ABCA13: variants seen among roughly 807,000 people sequenced by gnomAD.
The protein encoded by ABCA13 is ATP binding cassette subfamily A member 13.
A neutral mutation model predicts 478.7 loss-of-function variants in ABCA13; 476 were observed. The ratio of observed to expected loss-of-function variants is 0.99; its 90% CI spans 0.92 to 1.07. The LOEUF is 1.07. Among genes scored for constraint, ABCA13 ranks in the 50% least tolerant of loss-of-function variants. The probability of loss-of-function intolerance (pLI) is 0.00; values close to 1 mark genes in which losing one functional copy is unlikely to be tolerated. For synonymous variants in ABCA13, 2,252 were observed against 2,158.9 expected, an observed-to-expected ratio of 1.04 and a Z score of -1.20; for missense variants, 6,060 against 5,910.6, an observed-to-expected ratio of 1.03 and a Z score of -0.83.
At position 48,381,757 on chromosome 7, in the gene ABCA13, C is replaced by G. The variant is rs140721555; in HGVS notation, c.11335+5185C>G. 4.1e-3 allele frequency among the ~76,000 whole-genome samples: 621 copies of G among 152,336 alleles called. 21 individuals carry two copies. Among genetic ancestry groups the G allele is most frequent in the Admixed American group, 0.029 (445 of 15,306 alleles). ...TGATTAGTTTCCTGGCCTGCATAAG[C>G]CAGCAGGCAGTTCCCCTTGAGGAGA... On this transcript the variant is annotated intron_variant, in intron 35 of 61. Transcript: ENST00000435803.
intron 15 of ABCA13, among the ~76,000 whole-genome samples, chr7:48,255,459 C>G (rs910717101): frequency 6.6e-6 from 1 of 151,848 alleles, no homozygotes; most frequent in African/African-American, 2.4e-5. Flanking sequence ...CTTGCCCACC[C>G]CTCTTTCCCT....
At chr7:48,286,486 C>CCCTTCCTT (rs60849653) in intron 19 of ABCA13, among the ~76,000 whole-genome samples, 16 of 149,190 alleles carry the variant, frequency 1.1e-4, no homozygotes, top group South Asian at 2.1e-4. Context: ...ACTGTTTTTT[C>CCCTTCCTT]CCTTCCTTCC....
rs1329632961 is a variant in ABCA13 at position 48,234,197 on chromosome 7, G to A, written c.897+46G>A. 5 of 1,613,060 alleles carry A rather than the reference G, an allele frequency of 3.1e-6. No homozygotes were observed. The East Asian group carries it at 8.9e-5, about 29-fold the overall frequency. ...CTCACACCGCTGGGCCTTTCCTGGA[G>A]ACTGGATCTAGAGCATGCTGCTGGG... is the stretch of plus-strand genomic sequence containing the variant. On this transcript the variant is annotated intron_variant, in intron 8 of 61. Transcript: ENST00000435803.
intron 42 of ABCA13, among the ~76,000 whole-genome samples, chr7:48,436,696 A>C (rs937946538): frequency 1.3e-5 from 2 of 151,872 alleles, no homozygotes; most frequent in Non-Finnish European, 2.9e-5. Context: ...ACTGCAACCC[A>C]GAAATTTTGG....
chr7:48,217,672 A>G (rs1181245086), intron 3 of ABCA13, among the ~76,000 whole-genome samples: 1 of 152,200 alleles, frequency 6.6e-6, no homozygotes, highest in Non-Finnish European at 1.5e-5. Context: ...CCAAGGCCCC[A>G]TGTACTTCTG....
chr7:48,332,842 A>G (rs1161302778), intron 27 of ABCA13, among the ~76,000 whole-genome samples: 1 of 152,144 alleles, frequency 6.6e-6, no homozygotes, highest in East Asian at 1.9e-4. Flanking sequence ...GTAACATGTT[A>G]TGGTTCTCTG....
At chr7:48,432,321 C>T (rs1315808094) in intron 42 of ABCA13, among the ~76,000 whole-genome samples, 3 of 152,070 alleles carry the variant, frequency 2.0e-5, no homozygotes, top group Non-Finnish European at 4.4e-5. Flanking sequence ...CAAAAGATAA[C>T]ACATGCTGGT....
chr7:48,510,637 G>C (rs1831594144), intron 50 of ABCA13, among the ~76,000 whole-genome samples: 1 of 152,156 alleles, frequency 6.6e-6, no homozygotes, highest in Non-Finnish European at 1.5e-5. Flanking sequence ...TTGTCCTGGA[G>C]GCTGGAAGTC....
At chr7:48,573,928 G>T (rs1015850588) in intron 55 of ABCA13, among the ~76,000 whole-genome samples, 5 of 151,918 alleles carry the variant, frequency 3.3e-5, no homozygotes, top group African/African-American at 1.2e-4. Context: ...CTCTCTGTGT[G>T]TTTATATAGT....
chr7:48,373,801 A>G (rs1373959501), intron 33 of ABCA13, among the ~76,000 whole-genome samples: 2 of 152,226 alleles, frequency 1.3e-5, no homozygotes, highest in African/African-American at 4.8e-5. Flanking sequence ...ACATATTCAA[A>G]TGCTTTCTAG....
In ABCA13 at chr7:48,293,196, C is replaced by G. The variant is rs937006895; in HGVS notation, c.8956-2504C>G. Among the ~76,000 whole-genome samples the G allele has an allele frequency of 1.5e-5, 2 of 131,754 alleles. 1 individual carries two copies. The highest frequency in any genetic ancestry group is 3.4e-5 in the Non-Finnish European group (2 of 58,108). The allele number at this position is 131,754 out of a possible 152,430, so 86.4% of individuals were successfully genotyped here. ...TCATTTCCTGAGAAGTCTTCAGCCC[C>G]CCCCCCGCCACACACACACTAAATC... On this transcript the variant is annotated intron_variant, in intron 20 of 61. Transcript: ENST00000435803.
At chr7:48,486,741 G>A (rs760947680) in intron 47 of ABCA13, among the ~76,000 whole-genome samples, 1 of 152,150 alleles carries the variant, frequency 6.6e-6, no homozygotes, top group Non-Finnish European at 1.5e-5. Flanking sequence ...ATGCAGACTG[G>A]GCTGGGCTGA....
intron 10 of ABCA13, among the ~76,000 whole-genome samples, chr7:48,242,753 T>G (rs1791043686): frequency 6.6e-6 from 1 of 152,224 alleles, no homozygotes; most frequent in South Asian, 2.1e-4. Flanking sequence ...TCAGCCTTAT[T>G]TAAATCTTTC....
chr7:48,326,135 G>A (rs985964536), intron 27 of ABCA13, among the ~76,000 whole-genome samples: 6 of 152,228 alleles, frequency 3.9e-5, no homozygotes, highest in African/African-American at 1.4e-4. Flanking sequence ...CTGAGGTTTA[G>A]AGAAGCTAGA....
chr7:48,225,135 GCCTTCCTTCCTTCCTTCCTTCCTT>G (rs1202516045), intron 5 of ABCA13, among the ~76,000 whole-genome samples: 73 of 69,894 alleles, frequency 1.0e-3, no homozygotes, highest in African/African-American at 3.8e-3. Context: ...CTGCCTGCCT[GCCTTCCTTCCTTCCTTCCTTCCTT>G]CCTTCCTTCC....
At chr7:48,339,494 C>A (rs927302827) in intron 29 of ABCA13, among the ~76,000 whole-genome samples, 5 of 152,192 alleles carry the variant, frequency 3.3e-5, no homozygotes, top group African/African-American at 4.8e-5. Flanking sequence ...CCTGAGTTTG[C>A]GTCTACCATG....
chr7:48,269,650 A>G (rs974842397), intron 16 of ABCA13, among the ~76,000 whole-genome samples: 1 of 152,234 alleles, frequency 6.6e-6, no homozygotes, highest in African/African-American at 2.4e-5. Context: ...GATGTTTTGC[A>G]TAAGAGCAGT....
At chr7:48,610,433 A>G (rs972832558) in intron 58 of ABCA13, among the ~76,000 whole-genome samples, 3 of 152,166 alleles carry the variant, frequency 2.0e-5, no homozygotes, top group African/African-American at 7.2e-5. Flanking sequence ...GCTGGCATTG[A>G]GTGCCTGTGG....
Position 48,272,550 on chromosome 7 carries a change from C to G in ABCA13, c.2884C>G (p.Leu962Val). The change falls in exon 17 of 62, where the codon CTG becomes GTG. Residue 962 changes from leucine (L) to valine (V), a missense_variant. Leu to Val is a conservative substitution (Grantham distance 32). Transcript: ENST00000435803. ...VFQDKDSALL[L>V]QIYSSFYRYI... ...CCAGGACAAGGATTCAGCTTTACTT[C>G]TGCAAATTTATTCTTCATTTTACCG... 6.2e-7 allele frequency: 1 copy of G among 1,613,752 alleles called. No individual in the cohort carries two copies. The highest frequency in any genetic ancestry group is 8.5e-7 in the Non-Finnish European group (1 of 1,179,740).
Sources: gnomAD v4.1 joint callset for allele counts (sites outside exome capture counted in the v4.1 genomes callset) on GRCh38, gnomAD v4.1.1 for gene constraint, MANE v1.5 for transcripts, NCBI Gene and HGNC (gene_info 2026-07-23, HGNC 2026-07-21) for gene names.